Variants in ZNF385D observed in about 807,000 individuals in gnomAD.
ZNF385D encodes the protein zinc finger protein 385D, also known as zinc finger protein 659.
A neutral mutation model predicts 35.8 loss-of-function variants in ZNF385D; 15 were observed. The ratio of observed to expected loss-of-function variants is 0.42; its 90% CI spans 0.28 to 0.64. The LOEUF is 0.64. Among genes scored for constraint, ZNF385D ranks in the 30% least tolerant of loss-of-function variants. ZNF385D has a pLI of 0.23. For synonymous variants in ZNF385D, 212 were observed against 186.8 expected (o/e 1.13, Z -1.10); for missense variants, 474 against 494.6 (o/e 0.96, Z 0.39).
chr3:22,123,962 C>A (rs4044493), intron 3 of ZNF385D, among the ~76,000 whole-genome samples: 14,033 of 60,604 alleles, frequency 0.23, 1,522 homozygotes, highest in Non-Finnish European at 0.3. Flanking sequence ...CTCTCTCTCT[C>A]TATATATATA....
At chr3:21,843,031 C>T (rs1695775607) in intron 3 of ZNF385D, among the ~76,000 whole-genome samples, 1 of 152,134 alleles carries the variant, frequency 6.6e-6, no homozygotes, top group African/African-American at 2.4e-5. Flanking sequence ...AATAGTTTAG[C>T]ATAAAAGCTT....
chr3:22,330,285 G>A (rs1344270948), intron 2 of ZNF385D, among the ~76,000 whole-genome samples: 1 of 151,916 alleles, frequency 6.6e-6, no homozygotes, highest in Non-Finnish European at 1.5e-5. Flanking sequence ...TTAAATCTTT[G>A]TCAGGCTTTT....
In ZNF385D at chr3:21,880,222, G is replaced by A. The variant is rs146695646; in HGVS notation, c.326-215194C>T. ...GATCAGCCTCACTTATGAGCACTGC[G>A]TTAGAAACAGTTATACCTCATTTTA... is the stretch of plus-strand genomic sequence containing the variant. On this transcript the variant is annotated intron_variant, in intron 3 of 5. Coordinates refer to the ZNF385D transcript ENST00000494108. Among the ~76,000 whole-genome samples, 485 of 151,998 alleles carry A rather than the reference G, an allele frequency of 3.2e-3. 3 individuals are homozygous for A. Among genetic ancestry groups the A allele is most frequent in the African/African-American group, 0.011 (455 of 41,514 alleles).
chr3:22,212,256 GCA>G (rs1459721864), intron 2 of ZNF385D, among the ~76,000 whole-genome samples: 3 of 151,986 alleles, frequency 2.0e-5, no homozygotes, highest in Admixed American at 6.6e-5. Context: ...CCTTATCACA[GCA>G]CAGTTTCTGC....
At chr3:21,803,920 T>A (rs114458480) in intron 3 of ZNF385D, among the ~76,000 whole-genome samples, 2 of 152,216 alleles carry the variant, frequency 1.3e-5, no homozygotes, top group Admixed American at 1.3e-4. Context: ...GCGCTGTCAC[T>A]TGCAAATAAG....
intron 1 of ZNF385D, among the ~76,000 whole-genome samples, chr3:21,749,857 AGT>A (rs2069973483): frequency 6.6e-6 from 1 of 152,238 alleles, no homozygotes; most frequent in East Asian, 1.9e-4. Context: ...ACAAACTAAT[AGT>A]GCCCCAACCT....
In ZNF385D at chr3:21,979,406, G is replaced by A. The variant is rs987448682; in HGVS notation, c.325+189411C>T. On this transcript the variant is annotated intron_variant, in intron 3 of 5. Coordinates refer to the ZNF385D transcript ENST00000494108. ...ATAAGAAAAACTGAGGTGTGAGATTGAGCTTTTTATCCAATATTTGACAGC... is the reference window on the plus strand; with the variant it reads ...ATAAGAAAAACTGAGGTGTGAGATTAAGCTTTTTATCCAATATTTGACAGC... 2.0e-5 allele frequency among the ~76,000 whole-genome samples: 3 copies of A among 152,176 alleles called. No homozygotes were observed. In the East Asian group the frequency reaches 5.8e-4, roughly 29 times the overall value.
At chr3:21,796,905 T>G (rs887441864) in intron 3 of ZNF385D, among the ~76,000 whole-genome samples, 1 of 152,120 alleles carries the variant, frequency 6.6e-6, no homozygotes, top group Non-Finnish European at 1.5e-5. Flanking sequence ...GGACTCTGAG[T>G]TCCCACCTCC....
intron 2 of ZNF385D, among the ~76,000 whole-genome samples, chr3:22,345,329 C>T (rs1197159471): frequency 1.3e-5 from 2 of 152,104 alleles, no homozygotes. Context: ...CTTTGTTTGA[C>T]ACTTCAAAAA....
At chr3:21,990,644 A>C (rs1396437011) in intron 3 of ZNF385D, among the ~76,000 whole-genome samples, 1 of 152,216 alleles carries the variant, frequency 6.6e-6, no homozygotes, top group Non-Finnish European at 1.5e-5. Flanking sequence ...GCACAGGGAT[A>C]CTAGAATATA....
At chr3:22,095,081 A>ATTCC (rs1559364623) in intron 3 of ZNF385D, among the ~76,000 whole-genome samples, 3 of 130,752 alleles carry the variant, frequency 2.3e-5, no homozygotes, top group Admixed American at 7.6e-5. Context: ...TTATTTTTTC[A>ATTCC]TTCTTTCTTT....
intron 3 of ZNF385D, among the ~76,000 whole-genome samples, chr3:21,560,238 G>A (rs1194186838): frequency 2.6e-5 from 4 of 152,112 alleles, no homozygotes; most frequent in Admixed American, 6.6e-5. Flanking sequence ...GAGAAGAGGC[G>A]TTCTGGTTTT....
chr3:21,498,701 T>C (rs1419971169), intron 4 of ZNF385D, among the ~76,000 whole-genome samples: 1 of 151,988 alleles, frequency 6.6e-6, no homozygotes, highest in Non-Finnish European at 1.5e-5. Flanking sequence ...AGTCACACTT[T>C]GGGAGGCCAA....
At chr3:22,129,812 C>T (rs550327411) in intron 3 of ZNF385D, among the ~76,000 whole-genome samples, 2 of 152,208 alleles carry the variant, frequency 1.3e-5, no homozygotes, top group South Asian at 2.1e-4. Flanking sequence ...CTGAGTGGTG[C>T]TTTATTTTAC....
chr3:21,878,536 C>CTTT (rs1201834814), intron 3 of ZNF385D, among the ~76,000 whole-genome samples: 2 of 23,990 alleles, frequency 8.3e-5, no homozygotes, highest in African/African-American at 2.6e-4. Context: ...TGCATGAAGT[C>CTTT]CTTATTTTTC....
chr3:21,688,498 CATTA>C (rs1365622912), intron 1 of ZNF385D, among the ~76,000 whole-genome samples: 2 of 152,104 alleles, frequency 1.3e-5, no homozygotes, highest in Non-Finnish European at 2.9e-5. Context: ...TGACATTATT[CATTA>C]ATTATCTTTA....
intron 3 of ZNF385D, among the ~76,000 whole-genome samples, chr3:22,121,490 T>G (rs1272781258): frequency 6.6e-6 from 1 of 152,140 alleles, no homozygotes; most frequent in Non-Finnish European, 1.5e-5. Flanking sequence ...CTTAAAATGG[T>G]AACCTGTTAA....
At chr3:21,608,012 C>CTTCTTTTTTTTTTTT (rs2064536095) in intron 2 of ZNF385D, among the ~76,000 whole-genome samples, 2 of 123,954 alleles carry the variant, frequency 1.6e-5, no homozygotes, top group African/African-American at 6.3e-5. Flanking sequence ...TCTTTTTCTT[C>CTTCTTTTTTTTTTTT]TTTTTTTTTT....
intron 3 of ZNF385D, among the ~76,000 whole-genome samples, chr3:22,024,415 A>G (rs1010543182): frequency 1.3e-5 from 2 of 152,046 alleles, no homozygotes; most frequent in Non-Finnish European, 2.9e-5. Context: ...TGGTTCTAGA[A>G]TATTAAGGAT....
Sources: allele counts gnomAD v4.1 joint callset (sites outside exome capture counted in the v4.1 genomes callset), GRCh38; gene constraint gnomAD v4.1.1; transcripts MANE v1.5; gene names NCBI Gene and HGNC (gene_info 2026-07-23, HGNC 2026-07-21).